NFASC: variants seen among roughly 807,000 people sequenced by gnomAD.
The protein encoded by NFASC is neurofascin homolog.
Under a neutral mutation model 147.5 loss-of-function variants are expected in NFASC, and 43 were observed. That is an observed-to-expected ratio of 0.29 (90% CI 0.23 to 0.38). NFASC has a LOEUF of 0.38. NFASC is among the 10% of genes least tolerant of loss of function. The pLI is 1.00. For missense variants in NFASC, 1,320 were observed against 1,689.0 expected, an observed-to-expected ratio of 0.78 and a Z score of 3.83; for synonymous variants, 622 against 665.5, an observed-to-expected ratio of 0.93 and a Z score of 1.01.
At chr1:204,886,407 G>A (rs1369744585) in intron 1 of NFASC, among the ~76,000 whole-genome samples, 1 of 151,914 alleles carries the variant, frequency 6.6e-6, no homozygotes, top group African/African-American at 2.4e-5. Context: ...GTTTTTATGT[G>A]TCTGGCTGTT....
chr1:205,005,258 T>C (rs2096078915), intron 27 of NFASC, among the ~76,000 whole-genome samples: 1 of 151,652 alleles, frequency 6.6e-6, no homozygotes, highest in Non-Finnish European at 1.5e-5. Context: ...CTATCCCTAT[T>C]TCTAGAACAT....
At chr1:204,931,730 C>T (rs2092381156) in intron 2 of NFASC, among the ~76,000 whole-genome samples, 1 of 152,170 alleles carries the variant, frequency 6.6e-6, no homozygotes, top group East Asian at 1.9e-4. Context: ...CTCCCTGCAT[C>T]CCAGTGACTA....
rs1273288422 is a variant in NFASC, at chr1:204,968,630, C to T, written c.819-168C>T. 1.5e-6 allele frequency: 1 copy of T among 657,126 alleles called. No homozygotes were observed. Among genetic ancestry groups the T allele is most frequent in the Non-Finnish European group, 2.6e-6 (1 of 387,600 alleles). 40.7% of individuals were successfully genotyped at this position (657,126 alleles called of 1,614,324 possible). Reference sequence around the variant, plus strand: ...GGGACCTTAGCTAAGCCTTCAGGCTCTCTGTGGCTGAGCATCCTCCTCTGC... The same window carrying T: ...GGGACCTTAGCTAAGCCTTCAGGCTTTCTGTGGCTGAGCATCCTCCTCTGC... On this transcript the variant is annotated intron_variant, in intron 9 of 29. Coordinates refer to ENST00000339876, the MANE Select transcript of NFASC (RefSeq NM_001005388.3). The surrounding 1 kb of genome is among the most constrained non-coding windows in gnomAD (Gnocchi z 5.4).
In NFASC at chr1:204,979,220, C is replaced by G; in HGVS notation, c.1979-142C>G. On this transcript the variant is annotated intron_variant, in intron 18 of 29. Coordinates refer to ENST00000339876, the MANE Select transcript of NFASC (RefSeq NM_001005388.3). The surrounding 1 kb of genome is among the most constrained non-coding windows in gnomAD (Gnocchi z 6.0). ...ATGTACAGAGGCCTTGGTGTCTCTT[C>G]CTGTGCCTTGGGAAGAATTCTCCTT... 1.1e-6 allele frequency: 1 copy of G among 949,588 alleles called. No individual in the cohort carries two copies. The highest frequency in any genetic ancestry group is 1.6e-6 in the Non-Finnish European group (1 of 608,870). The allele number at this position is 949,588 out of a possible 1,614,324, so 58.8% of individuals were successfully genotyped here. A position where few individuals can be genotyped will look rare whatever the true frequency, so the allele number is the denominator to read the frequency against.
chr1:204,994,998 T>C (rs910293492), intron 24 of NFASC, among the ~76,000 whole-genome samples: 1 of 151,712 alleles, frequency 6.6e-6, no homozygotes, highest in Non-Finnish European at 1.5e-5. Context: ...GCTGGACCTA[T>C]AGTCCCAGCT....
At chr1:204,926,726 T>C (rs2091672472) in intron 2 of NFASC, among the ~76,000 whole-genome samples, 1 of 151,718 alleles carries the variant, frequency 6.6e-6, no homozygotes, top group Non-Finnish European at 1.5e-5. Context: ...ATTACTATTT[T>C]TAAATGACAG....
chr1:204,968,097 TCA>T lies in NFASC; in HGVS notation c.707-150_707-149del, dbSNP rs755027958. The T allele has an allele frequency of 1.3e-4, 78 of 618,504 alleles. 1 individual carries two copies. Among genetic ancestry groups the T allele is most frequent in the Admixed American group, 5.3e-4 (20 of 37,770 alleles). The allele number at this position is 618,504 out of a possible 1,614,324, so 38.3% of individuals were successfully genotyped here. ...GGAGCCCTGGGCTTCCTAACACACC[TCA>T]CTTAATGATGCCCAAGTCCTTGGGA... On this transcript the variant is annotated intron_variant, in intron 8 of 29. Transcript: ENST00000339876. This position sits in a 1 kb window ranked among gnomAD's most constrained non-coding sequence, Gnocchi z 5.4.
chr1:204,853,836 C>T (rs545849687), intron 1 of NFASC, among the ~76,000 whole-genome samples: 257 of 152,160 alleles, frequency 1.7e-3, no homozygotes, highest in Middle Eastern at 3.2e-3. Context: ...TCCTACCCAT[C>T]GGGGCCAGCT....
intron 1 of NFASC, among the ~76,000 whole-genome samples, chr1:204,849,583 A>G (rs989851240): frequency 6.6e-6 from 1 of 152,124 alleles, no homozygotes; most frequent in Non-Finnish European, 1.5e-5. Context: ...CATTAGTCCA[A>G]TTCCCTCATT....
intron 11 of NFASC, 99 bp downstream of exon 11, chr1:204,970,846 C>A: frequency 1.3e-6 from 2 of 1,488,878 alleles, no homozygotes. Flanking sequence ...ACTAGAAGTT[C>A]AGGAAGAGAG....
chr1:204,884,883 C>G (rs912560763), intron 1 of NFASC, among the ~76,000 whole-genome samples: 3 of 152,116 alleles, frequency 2.0e-5, no homozygotes, highest in African/African-American at 7.2e-5. Context: ...AGCGCATGGT[C>G]TTACTAGAGA....
At chr1:204,904,561 A>G (rs1262421605) in intron 1 of NFASC, among the ~76,000 whole-genome samples, 1 of 152,230 alleles carries the variant, frequency 6.6e-6, no homozygotes, top group Non-Finnish European at 1.5e-5. Flanking sequence ...AGGGATTAGA[A>G]TGTAGATATC....
At chr1:204,996,249 C>G (rs2095843705) in intron 24 of NFASC, among the ~76,000 whole-genome samples, 1 of 152,164 alleles carries the variant, frequency 6.6e-6, no homozygotes, top group African/African-American at 2.4e-5. Flanking sequence ...CTGAACAATT[C>G]TGTGCCCCAT....
chr1:204,911,572 T>C (rs2087509953), intron 1 of NFASC, among the ~76,000 whole-genome samples: 1 of 152,160 alleles, frequency 6.6e-6, no homozygotes, highest in South Asian at 2.1e-4. Flanking sequence ...AATAGTTTTC[T>C]TTTTCTTTTG....
chr1:204,898,342 A>G (rs1248569497), intron 1 of NFASC, among the ~76,000 whole-genome samples: 1 of 152,236 alleles, frequency 6.6e-6, no homozygotes, highest in African/African-American at 2.4e-5. Flanking sequence ...ATAAAATAAT[A>G]AAACCCATGA....
intron 1 of NFASC, among the ~76,000 whole-genome samples, chr1:204,863,395 A>T (rs1027007721): frequency 1.3e-5 from 2 of 152,214 alleles, no homozygotes; most frequent in African/African-American, 4.8e-5. Flanking sequence ...AGTGATTTTT[A>T]AAAACATTTT....
At chr1:204,839,871 A>G (rs1398007016) in intron 1 of NFASC, among the ~76,000 whole-genome samples, 5 of 152,202 alleles carry the variant, frequency 3.3e-5, no homozygotes, top group Non-Finnish European at 7.4e-5. Context: ...GCCCAGGTGC[A>G]GCTCTGGAGG....
chr1:204,950,625 T>G (rs899939034), intron 4 of NFASC, 51 bp downstream of exon 4: 2 of 1,561,924 alleles, frequency 1.3e-6, no homozygotes, highest in Admixed American at 3.4e-5. Context: ...GAGGGAGGAA[T>G]GAGGCATGAG....
rs144330593 is a variant in NFASC, at chr1:204,916,405, A to G, written c.-199-4227A>G. Among the ~76,000 whole-genome samples, 41 of 152,374 alleles carry G rather than the reference A, an allele frequency of 2.7e-4. No homozygotes were observed. In the East Asian group the frequency reaches 7.7e-3, roughly 29 times the overall value. On this transcript the variant is annotated intron_variant, in intron 1 of 29. Coordinates refer to ENST00000339876, the MANE Select transcript of NFASC (RefSeq NM_001005388.3). ...GTGATTTCATTCATCTTTAAGGATTATCTGTCTGTCTATATATCTGTCCAT... is the reference window on the plus strand; with the variant it reads ...GTGATTTCATTCATCTTTAAGGATTGTCTGTCTGTCTATATATCTGTCCAT...
Sources: gnomAD v4.1 joint callset for allele counts (sites outside exome capture counted in the v4.1 genomes callset) on GRCh38, gnomAD v4.1.1 for gene constraint, Gnocchi (gnomAD v3.1) non-coding constraint, MANE v1.5 for transcripts, NCBI Gene and HGNC (gene_info 2026-07-23, HGNC 2026-07-21) for gene names.